The following NFASC variants were observed in gnomAD, a reference collection of about 807,000 sequenced individuals.
NFASC encodes neurofascin homolog.
In NFASC, 43 loss-of-function variants were observed where a neutral mutation model predicts 147.5. The ratio of observed to expected loss-of-function variants is 0.29; its 90% CI spans 0.23 to 0.38. The LOEUF (loss-of-function observed/expected upper bound fraction) is 0.38, where lower values mean the gene tolerates loss of function less well. Among genes scored for constraint, NFASC ranks in the 10% least tolerant of loss-of-function variants. The pLI is 1.00. For synonymous variants in NFASC, 622 were observed against 665.5 expected (o/e 0.93, Z 1.01); for missense variants, 1,320 against 1,689.0 (o/e 0.78, Z 3.83).
At chr1:204,990,483 GA>G (rs2095702709) in intron 23 of NFASC, 2 of 143,830 alleles carry the variant, frequency 1.4e-5, no homozygotes, top group East Asian at 4.1e-4. Flanking sequence ...AGCCCCAGGG[GA>G]CAAAAGGACA....
intron 1 of NFASC, among the ~76,000 whole-genome samples, chr1:204,835,846 T>A (rs1161852049): frequency 6.6e-6 from 1 of 152,188 alleles, no homozygotes; most frequent in Non-Finnish European, 1.5e-5. Flanking sequence ...CTGGCCTCCA[T>A]GCTGAGCTAG....
At chr1:204,925,409 T>C (rs1250145867) in intron 2 of NFASC, among the ~76,000 whole-genome samples, 4 of 152,200 alleles carry the variant, frequency 2.6e-5, no homozygotes, top group Admixed American at 2.0e-4. Flanking sequence ...GCCAGCTGGA[T>C]TAAACATGCT....
intron 3 of NFASC, among the ~76,000 whole-genome samples, chr1:204,945,499 A>G (rs1171726784): frequency 6.8e-6 from 1 of 148,008 alleles, no homozygotes; most frequent in Non-Finnish European, 1.5e-5. Flanking sequence ...CTGGCACTCT[A>G]CTTCACCCAT....
chr1:204,940,536 C>T (rs1490749415), intron 2 of NFASC, among the ~76,000 whole-genome samples: 1 of 152,234 alleles, frequency 6.6e-6, no homozygotes, highest in East Asian at 1.9e-4. Context: ...CTATCCAGTT[C>T]AAAACATTTG....
chr1:204,991,503 C>A (rs1004970102), intron 24 of NFASC, among the ~76,000 whole-genome samples, 197 bp downstream of exon 24: 6 of 152,320 alleles, frequency 3.9e-5, no homozygotes, highest in African/African-American at 1.2e-4. Context: ...GCCCACTTTC[C>A]CCCCTTCCCA....
intron 1 of NFASC, among the ~76,000 whole-genome samples, chr1:204,847,324 C>T (rs866964630): frequency 6.6e-5 from 10 of 152,218 alleles, no homozygotes; most frequent in Middle Eastern, 3.2e-3. Context: ...CCACATTCTA[C>T]TTACGACATT....
chr1:204,848,794 C>G (rs1386301643), intron 1 of NFASC, among the ~76,000 whole-genome samples: 7 of 152,238 alleles, frequency 4.6e-5, no homozygotes, highest in African/African-American at 1.7e-4. Context: ...GCCCTCTTCT[C>G]AGGATGTTTC....
At position 205,002,761 on chromosome 1, in the gene NFASC, C is replaced by G. The variant is rs749193300; in HGVS notation, c.3289+13C>G. Reference sequence around the variant, plus strand: ...ATGACCAGTACAGGTGAGAGGGGACCTGGCCTGGCCATCCCCTGCAAGCAT... The same window carrying G: ...ATGACCAGTACAGGTGAGAGGGGACGTGGCCTGGCCATCCCCTGCAAGCAT... On this transcript the variant is annotated intron_variant, in intron 27 of 29. Coordinates refer to ENST00000339876, the MANE Select transcript of NFASC (RefSeq NM_001005388.3). 2 of 1,433,476 alleles carry G rather than the reference C, an allele frequency of 1.4e-6. No individual in the cohort carries two copies. Among genetic ancestry groups the G allele is most frequent in the Non-Finnish European group, 1.9e-6 (2 of 1,073,938 alleles). The allele number at this position is 1,433,476 out of a possible 1,614,324, so 88.8% of individuals were successfully genotyped here.
intron 8 of NFASC, among the ~76,000 whole-genome samples, chr1:204,963,291 T>C (rs2094780551): frequency 6.6e-6 from 1 of 152,202 alleles, no homozygotes; most frequent in Admixed American, 6.5e-5. Context: ...GCATTGTTTG[T>C]TTTCAAGATA....
intron 21 of NFASC, among the ~76,000 whole-genome samples, chr1:204,983,424 C>T (rs1052075163): frequency 6.6e-6 from 1 of 152,130 alleles, no homozygotes; most frequent in Non-Finnish European, 1.5e-5. Flanking sequence ...ACGTGATCCA[C>T]CTTAAAGGCT....
intron 1 of NFASC, among the ~76,000 whole-genome samples, chr1:204,876,792 C>A (rs1366563326): frequency 6.6e-6 from 1 of 151,550 alleles, no homozygotes; most frequent in African/African-American, 2.4e-5. Context: ...ATTCCTTTTC[C>A]AGGCTGAATA....
chr1:204,865,220 A>G (rs943247059), intron 1 of NFASC, among the ~76,000 whole-genome samples: 7 of 152,228 alleles, frequency 4.6e-5, no homozygotes, highest in African/African-American at 1.7e-4. Flanking sequence ...TCTTATGCAT[A>G]CATAGCTATG....
rs567313701 is a variant in NFASC at position 204,993,633 on chromosome 1, T to TC, written c.2782+2333dup. 4.3e-4 allele frequency: 163 copies of TC among 383,526 alleles called. 2 individuals are homozygous for TC. The highest frequency in any genetic ancestry group is 2.7e-3 in the South Asian group (153 of 56,828). 23.8% of individuals were successfully genotyped at this position (383,526 alleles called of 1,614,324 possible). On this transcript the variant is annotated intron_variant, in intron 24 of 29. Coordinates refer to ENST00000339876, the MANE Select transcript of NFASC (RefSeq NM_001005388.3). ...GCTTCCAGCCGAAGCCCACTCAGGA[T>TC]CCCCCCTTAGCTAACAGAGAGTCTC...
At chr1:204,902,210 G>A (rs1439052799) in intron 1 of NFASC, among the ~76,000 whole-genome samples, 1 of 152,144 alleles carries the variant, frequency 6.6e-6, no homozygotes, top group Non-Finnish European at 1.5e-5. Context: ...TGGGAGGATT[G>A]CTTGAGCCAA....
chr1:204,858,654 C>G (rs1426993946), intron 1 of NFASC, among the ~76,000 whole-genome samples: 1 of 152,140 alleles, frequency 6.6e-6, no homozygotes, highest in Non-Finnish European at 1.5e-5. Context: ...CCTCCGCTCC[C>G]CCTCCTGCCT....
At chr1:204,897,756 G>T (rs576063474) in intron 1 of NFASC, among the ~76,000 whole-genome samples, 3 of 150,482 alleles carry the variant, frequency 2.0e-5, no homozygotes, top group African/African-American at 4.9e-5. Flanking sequence ...TTTTGGGGGG[G>T]GCAGAGTCTT....
chr1:204,884,841 G>A (rs2148935533), intron 1 of NFASC, among the ~76,000 whole-genome samples: 1 of 152,262 alleles, frequency 6.6e-6, no homozygotes, highest in South Asian at 2.1e-4. Context: ...GGTGCTATGG[G>A]AAATAAAGAG....
chr1:204,859,880 G>A (rs929743814), intron 1 of NFASC, among the ~76,000 whole-genome samples: 23 of 152,198 alleles, frequency 1.5e-4, no homozygotes, highest in African/African-American at 3.6e-4. Context: ...GCTGGAGGGC[G>A]CCAAGGGGAC....
At chr1:204,936,857 A>G (rs1198692332) in intron 2 of NFASC, among the ~76,000 whole-genome samples, 1 of 152,202 alleles carries the variant, frequency 6.6e-6, no homozygotes, top group Non-Finnish European at 1.5e-5. Context: ...CTCCGTGAGC[A>G]TGCCCTGGAC....
Sources: allele counts gnomAD v4.1 joint callset (sites outside exome capture counted in the v4.1 genomes callset), GRCh38; gene constraint gnomAD v4.1.1; transcripts MANE v1.5; gene names NCBI Gene and HGNC (gene_info 2026-07-23, HGNC 2026-07-21).